PYGM: variants seen among roughly 807,000 people sequenced by gnomAD.
The protein encoded by PYGM is glycogen phosphorylase, muscle form.
A neutral mutation model predicts 99.3 loss-of-function variants in PYGM; 81 were observed. That is an observed-to-expected ratio of 0.82 (90% confidence interval 0.68 to 0.98). PYGM has a LOEUF of 0.98. PYGM is among the 50% of genes least tolerant of loss of function. The pLI is 0.00. For synonymous variants in PYGM, 436 were observed against 451.5 expected (o/e 0.97, Z 0.44); for missense variants, 1,030 against 1,158.1 (o/e 0.89, Z 1.61).
chr11:64,759,384 AC>A (rs1490024378), intron 1 of PYGM, among the ~76,000 whole-genome samples: 1 of 152,102 alleles, frequency 6.6e-6, no homozygotes, highest in Non-Finnish European at 1.5e-5. Flanking sequence ...CAGCCAGGCC[AC>A]AGGCGCCGTC....
chr11:64,755,169 C>T lies in PYGM; in HGVS notation c.855+104G>A. 2 of 1,311,912 alleles carry T rather than the reference C, an allele frequency of 1.5e-6. No individual in the cohort carries two copies. The highest frequency in any genetic ancestry group is 1.2e-5 in the South Asian group (1 of 83,702). The allele number at this position is 1,311,912 out of a possible 1,614,324, so 81.3% of individuals were successfully genotyped here. A position where few individuals can be genotyped will look rare whatever the true frequency, so the allele number is the denominator to read the frequency against. Reference sequence around the variant, plus strand: ...CAGGATGCACAAGGCCAGCAATATGCCCTGGGTGTGACTAGGGCACCAGCA... The same window carrying T: ...CAGGATGCACAAGGCCAGCAATATGTCCTGGGTGTGACTAGGGCACCAGCA... On this transcript the variant is annotated intron_variant, in intron 7 of 19. Transcript: ENST00000164139. This position sits in a 1 kb window ranked among gnomAD's most constrained non-coding sequence, Gnocchi z 4.1.
chr11:64,756,824 T>C (rs1472069723), intron 5 of PYGM, among the ~76,000 whole-genome samples: 2 of 151,990 alleles, frequency 1.3e-5, no homozygotes, highest in African/African-American at 4.8e-5. Context: ...TTTGAAACAG[T>C]CTCACTCTGT....
At chr11:64,747,633 G>A (rs1454265072) in intron 17 of PYGM, 4 of 479,298 alleles carry the variant, frequency 8.3e-6, no homozygotes, top group East Asian at 4.1e-5. Flanking sequence ...TCTCCCACAC[G>A]CCACTGCTGT....
In PYGM at chr11:64,755,371, G is replaced by A; in HGVS notation, c.773-16C>T. ...CCGACATTGACTGAGGGACAAAAGT[G>A]GGGACAGGGTAAGGCCTGCGCTGGG... On this transcript the variant is annotated splice_polypyrimidine_tract_variant and intron_variant, in intron 6 of 19. Transcript: ENST00000164139. The surrounding 1 kb of genome is among the most constrained non-coding windows in gnomAD (Gnocchi z 4.1). The A allele has an allele frequency of 6.2e-7, 1 of 1,613,952 alleles. No individual in the cohort carries two copies. The highest frequency in any genetic ancestry group is 1.1e-5 in the South Asian group (1 of 91,086).
At chr11:64,753,468 G>A (rs368976271) in intron 11 of PYGM, 51 bp downstream of exon 11, 455 of 1,532,484 alleles carry the variant, frequency 3.0e-4, no homozygotes, top group African/African-American at 7.6e-4. Context: ...TGACAGAGGC[G>A]TGGAGTGGGT....
chr11:64,759,798 C>T lies in PYGM; in HGVS notation c.101G>A (p.Arg34Gln), dbSNP rs753484236. The T allele has an allele frequency of 3.7e-6, 6 of 1,614,180 alleles. No individual in the cohort carries two copies. Among genetic ancestry groups the T allele is most frequent in the South Asian group, 1.1e-5 (1 of 91,080 alleles). Reference protein sequence around the residue: ...NVTELKKNFNRHLHFTLVKDR... With the variant: ...NVTELKKNFNQHLHFTLVKDR... ...CTTTACGAGTGTGAAATGCAGGTGC[C>T]GGTTGAAGTTCTTTTTCAGCTCAGT... The change falls in exon 1 of 20, where the codon CGG becomes CAG. Residue 34 changes from arginine to glutamine, a missense_variant. Coordinates refer to ENST00000164139, the MANE Select transcript of PYGM (RefSeq NM_005609.4).
intron 5 of PYGM, among the ~76,000 whole-genome samples, chr11:64,756,708 C>A (rs2058396572): frequency 6.6e-6 from 1 of 152,194 alleles, no homozygotes; most frequent in Non-Finnish European, 1.5e-5. Context: ...CTGCCTTGGC[C>A]TCCCAAAGTG....
In PYGM at chr11:64,747,519, C is replaced by G; in HGVS notation, c.2178-161G>C. On this transcript the variant is annotated intron_variant, in intron 17 of 19. Transcript: ENST00000164139. The stretch of plus-strand genomic sequence containing the variant: ...CCTGCAGGGCCTCCCTGCAACTCCC[C>G]TTCTCTGCTCAGCTTTTCATCCCTC... 3.8e-6 allele frequency: 3 copies of G among 795,840 alleles called. No homozygotes were observed. The South Asian group carries it at 4.6e-5, about 12-fold the overall frequency. The allele number at this position is 795,840 out of a possible 1,614,324, so 49.3% of individuals were successfully genotyped here.
chr11:64,752,629 C>T, intron 12 of PYGM, 125 bp from the exon 13 acceptor site: 1 of 983,074 alleles, frequency 1.0e-6, no homozygotes, highest in South Asian at 1.4e-5. Context: ...GCCCTCCCAG[C>T]CCCTCCTCCT....
At chr11:64,747,651 C>G (rs2058324255) in intron 17 of PYGM, 1 of 437,508 alleles carries the variant, frequency 2.3e-6, no homozygotes, top group Non-Finnish European at 4.3e-6. Context: ...TGTCTCTTAA[C>G]CAGTTTGTTT....
Position 64,752,126 on chromosome 11 carries a change from T to C in PYGM, c.1621-55A>G, listed in dbSNP as rs912269540. 4.3e-6 allele frequency: 7 copies of C among 1,611,754 alleles called. No homozygotes were observed. In the East Asian group the frequency reaches 1.3e-4, roughly 31 times the overall value. ...AACAGGCCACAGCCTCAGGAAATCC[T>C]ACAGTCCACACTCCAGTCAGCCCCA... On this transcript the variant is annotated intron_variant, in intron 13 of 19. Transcript: ENST00000164139.
chr11:64,759,604 T>C (rs1032235653), intron 1 of PYGM, 52 bp downstream of exon 1: 32 of 1,606,670 alleles, frequency 2.0e-5, no homozygotes, highest in Non-Finnish European at 2.6e-5. Flanking sequence ...GATCGCCAGC[T>C]CCCTGGCAGC....
chr11:64,755,248 GC>G lies in PYGM; in HGVS notation c.855+24del. ...CTGCTGCCAAGGACTCAGGCTTCCA[GC>G]CCCCAGCCCAGGGGGTGACGCACAT... On this transcript the variant is annotated intron_variant, in intron 7 of 19. Transcript: ENST00000164139. The surrounding 1 kb of genome is among the most constrained non-coding windows in gnomAD (Gnocchi z 4.1). 1 of 1,609,460 alleles carries G rather than the reference GC, an allele frequency of 6.2e-7. No individual in the cohort carries two copies. The highest frequency in any genetic ancestry group is 8.5e-7 in the Non-Finnish European group (1 of 1,175,940).
chr11:64,753,844 C>T, intron 10 of PYGM, 35 bp downstream of exon 10: 2 of 1,552,048 alleles, frequency 1.3e-6, no homozygotes, highest in Non-Finnish European at 1.7e-6. Context: ...TGTCCCCCCT[C>T]ACCCCCACAC....
chr11:64,757,834 T>C lies in PYGM; in HGVS notation c.605A>G (p.His202Arg). The C allele has an allele frequency of 1.2e-6, 2 of 1,614,120 alleles. No homozygotes were observed. Among genetic ancestry groups the C allele is most frequent in the Non-Finnish European group, 1.7e-6 (2 of 1,180,038 alleles). Reference sequence around the variant, plus strand: ...GGTGTGCTCCACATGGCCGTAGAAGTGCACAGGTAGCGTGAACTCGGGCCG... The same window carrying C: ...GGTGTGCTCCACATGGCCGTAGAAGCGCACAGGTAGCGTGAACTCGGGCCG... ...KARPEFTLPV[H>R]FYGHVEHTSQ... The change falls in exon 5 of 20, where the codon CAC becomes CGC. Residue 202 changes from histidine (H) to arginine (R), a missense_variant. Coordinates refer to ENST00000164139, the MANE Select transcript of PYGM (RefSeq NM_005609.4).
intron 17 of PYGM, among the ~76,000 whole-genome samples, chr11:64,749,920 T>G (rs907299165): frequency 2.6e-5 from 4 of 151,260 alleles, no homozygotes; most frequent in East Asian, 2.0e-4. Flanking sequence ...AGCCTCCCGA[T>G]CAGCTGGGAC....
rs1037253649 is a variant in PYGM at position 64,754,597 on chromosome 11, C to G, written c.999+96G>C. 29 of 1,511,048 alleles carry G rather than the reference C, an allele frequency of 1.9e-5. No individual in the cohort carries two copies. In the African/African-American group the frequency reaches 3.6e-4, roughly 19 times the overall value. The allele number at this position is 1,511,048 out of a possible 1,614,324, so 93.6% of individuals were successfully genotyped here. A position where few individuals can be genotyped will look rare whatever the true frequency, so the allele number is the denominator to read the frequency against. On this transcript the variant is annotated intron_variant, in intron 8 of 19. Coordinates refer to ENST00000164139, the MANE Select transcript of PYGM (RefSeq NM_005609.4). The surrounding 1 kb of genome is among the most constrained non-coding windows in gnomAD (Gnocchi z 5.5). ...CCCTCCCACACTCCCAGTCTCCACT[C>G]CCTTATCTATTACATGGGGCAGGCA...
At position 64,755,256 on chromosome 11, in the gene PYGM, C is replaced by G; in HGVS notation, c.855+17G>C. On this transcript the variant is annotated intron_variant, in intron 7 of 19. Transcript: ENST00000164139. The surrounding 1 kb of genome is among the most constrained non-coding windows in gnomAD (Gnocchi z 4.1). Reference sequence around the variant, plus strand: ...AAGGACTCAGGCTTCCAGCCCCCAGCCCAGGGGGTGACGCACATTATCATT... The same window carrying G: ...AAGGACTCAGGCTTCCAGCCCCCAGGCCAGGGGGTGACGCACATTATCATT... 1 of 1,612,458 alleles carries G rather than the reference C, an allele frequency of 6.2e-7. No individual in the cohort carries two copies. Among genetic ancestry groups the G allele is most frequent in the Middle Eastern group, 1.7e-4 (1 of 6,054 alleles).
Position 64,746,511 on chromosome 11 carries a change from CACTGGG to C in PYGM, c.*142_*147del. The C allele has an allele frequency of 8.7e-7, 1 of 1,146,016 alleles. No individual in the cohort carries two copies. Among genetic ancestry groups the C allele is most frequent in the Non-Finnish European group, 1.3e-6 (1 of 789,932 alleles). 71.0% of individuals were successfully genotyped at this position (1,146,016 alleles called of 1,614,324 possible). A position where few individuals can be genotyped will look rare whatever the true frequency, so the allele number is the denominator to read the frequency against. On this transcript the variant is annotated 3_prime_UTR_variant, in exon 20 of 20. Coordinates refer to ENST00000164139, the MANE Select transcript of PYGM (RefSeq NM_005609.4). ...GGCCCGTGTCCTTAGTCACGCTGGA[CACTGGG>C]ACATTGAGAGTGGGGAAAATGAGGG... is the stretch of plus-strand genomic sequence containing the variant.
Sources: gnomAD v4.1 joint callset for allele counts (sites outside exome capture counted in the v4.1 genomes callset) on GRCh38, gnomAD v4.1.1 for gene constraint, Gnocchi (gnomAD v3.1) non-coding constraint, MANE v1.5 for transcripts, NCBI Gene and HGNC (gene_info 2026-07-23, HGNC 2026-07-21) for gene names.